CNBD1: variants seen among roughly 807,000 people sequenced by gnomAD.
CNBD1 encodes cyclic nucleotide-binding domain-containing protein 1.
In CNBD1, 71 loss-of-function variants were observed where a neutral mutation model predicts 54.4. That is an observed-to-expected ratio of 1.30 (90% CI 1.08 to 1.59). The LOEUF (loss-of-function observed/expected upper bound fraction) is 1.59. CNBD1 is among the 40% of genes most tolerant of loss of function. The pLI, the probability that CNBD1 is intolerant of heterozygous loss-of-function variation, is 0.00. For missense variants in CNBD1, 659 were observed against 518.0 expected (o/e 1.27, Z -2.64); for synonymous variants, 182 against 170.7 (o/e 1.07, Z -0.51).
intron 10 of CNBD1, among the ~76,000 whole-genome samples, chr8:87,371,710 C>T (rs570263199): frequency 0.015 from 2,238 of 151,926 alleles, 56 homozygotes; most frequent in African/African-American, 0.048. Flanking sequence ...TGTAATCCAG[C>T]GTATAAACAG....
At chr8:87,385,142 A>G (rs906895260), downstream of CNBD1, among the ~76,000 whole-genome samples, 7 of 152,134 alleles carry the variant, frequency 4.6e-5, no homozygotes, top group African/African-American at 1.7e-4. Context: ...ATGGGGGTGG[A>G]GCCAAGATGC....
rs1340489632 is a variant in CNBD1, at chr8:87,326,229, C to G, written c.1043-25456C>G. ...TAACCCGACCTTTCTCTCTGGCTGC[C>G]CTTAACATTTTTTCCTTCATTTCAA... On this transcript the variant is annotated intron_variant, in intron 8 of 10. Coordinates refer to ENST00000518476, the MANE Select transcript of CNBD1 (RefSeq NM_173538.3). Among the ~76,000 whole-genome samples the G allele has an allele frequency of 1.7e-4, 21 of 122,696 alleles. 3 individuals carry two copies. Among genetic ancestry groups the G allele is most frequent in the South Asian group, 7.3e-4 (3 of 4,104 alleles). 80.5% of individuals were successfully genotyped at this position (122,696 alleles called of 152,430 possible).
Position 87,352,112 on chromosome 8 carries a change from C to T in CNBD1, c.1152+318C>T, listed in dbSNP as rs762972863. Reference sequence around the variant, plus strand: ...AACATACCAGATTGGCTAAGATGCACTTAATCATTTGACCTAATTCCACTC... The same window carrying T: ...AACATACCAGATTGGCTAAGATGCATTTAATCATTTGACCTAATTCCACTC... On this transcript the variant is annotated intron_variant, in intron 9 of 10. Coordinates refer to ENST00000518476, the MANE Select transcript of CNBD1 (RefSeq NM_173538.3). Among the ~76,000 whole-genome samples the T allele has an allele frequency of 4.7e-4, 72 of 152,124 alleles. 1 individual carries two copies. Among genetic ancestry groups the T allele is most frequent in the Non-Finnish European group, 1.3e-4 (9 of 68,020 alleles).
chr8:86,961,986 T>G (rs76436705), intron 4 of CNBD1, among the ~76,000 whole-genome samples: 17,621 of 152,178 alleles, frequency 0.12, 1,216 homozygotes, highest in African/African-American at 0.19. Context: ...AAGAACCAGG[T>G]CTAGGAAAAC....
chr8:87,306,877 C>G (rs572565548), intron 8 of CNBD1, among the ~76,000 whole-genome samples: 1 of 151,918 alleles, frequency 6.6e-6, no homozygotes, highest in Non-Finnish European at 1.5e-5. Flanking sequence ...AATCATATAA[C>G]CAAATACCAC....
chr8:87,166,639 A>G lies in CNBD1; in HGVS notation c.432-39354A>G, dbSNP rs149773883. Among the ~76,000 whole-genome samples the G allele has an allele frequency of 8.5e-3, 1,288 of 151,930 alleles. 21 individuals carry two copies. Among genetic ancestry groups the G allele is most frequent in the African/African-American group, 0.026 (1,086 of 41,476 alleles). ...CTTCTCACAGTTCTCTGGCTCTTTC[A>G]CTTTCTTGTCAGTTCCTCTTTGTTC... On this transcript the variant is annotated intron_variant, in intron 4 of 10. Transcript: ENST00000518476. This position sits in a 1 kb window ranked among gnomAD's most constrained non-coding sequence, Gnocchi z 4.3.
intron 6 of CNBD1, among the ~76,000 whole-genome samples, chr8:87,275,727 A>G (rs1808465401): frequency 1.3e-5 from 2 of 151,736 alleles, no homozygotes; most frequent in Non-Finnish European, 2.9e-5. Flanking sequence ...GGCCAGGGCA[A>G]TTAGGCAGGA....
intron 8 of CNBD1, among the ~76,000 whole-genome samples, chr8:87,330,230 TC>T (rs368493153): frequency 3.5e-5 from 4 of 115,244 alleles, no homozygotes; most frequent in Non-Finnish European, 5.4e-5. Flanking sequence ...GTTCCTTCTC[TC>T]TTTTTTTTTT....
chr8:87,418,470 A>G (rs1807872466), intron 2 of CNBD1, among the ~76,000 whole-genome samples: 1 of 151,984 alleles, frequency 6.6e-6, no homozygotes, highest in East Asian at 1.9e-4. Context: ...CCAGGATATA[A>G]CACTTAAAGC....
intron 2 of CNBD1, among the ~76,000 whole-genome samples, chr8:87,415,534 C>A (rs1170112571): frequency 6.6e-6 from 1 of 151,998 alleles, no homozygotes; most frequent in Non-Finnish European, 1.5e-5. Context: ...CATGACACTA[C>A]AGTATTGTTT....
chr8:87,169,838 G>A (rs962651533), intron 4 of CNBD1, among the ~76,000 whole-genome samples: 19 of 152,040 alleles, frequency 1.2e-4, no homozygotes, highest in Non-Finnish European at 2.4e-4. Flanking sequence ...ATCAGGTAAT[G>A]TGATTCTTCC....
intron 4 of CNBD1, among the ~76,000 whole-genome samples, chr8:87,155,529 A>G (rs1389291733): frequency 2.0e-5 from 3 of 152,234 alleles, no homozygotes; most frequent in Non-Finnish European, 2.9e-5. Context: ...AGGAGGTTGA[A>G]TGAACAGAAT....
rs187835688 is a variant in CNBD1, at chr8:87,341,867, C to T, written c.1043-9818C>T. Reference sequence around the variant, plus strand: ...GTGTTTCTGCTCTTTATAAATTACCCAGTCTTAGATATTCTATTATAGCAG... The same window carrying T: ...GTGTTTCTGCTCTTTATAAATTACCTAGTCTTAGATATTCTATTATAGCAG... On this transcript the variant is annotated intron_variant, in intron 8 of 10. Coordinates refer to ENST00000518476, the MANE Select transcript of CNBD1 (RefSeq NM_173538.3). Among the ~76,000 whole-genome samples, 16 of 152,278 alleles carry T rather than the reference C, an allele frequency of 1.1e-4. No individual in the cohort carries two copies. The East Asian group carries it at 2.9e-3, about 28-fold the overall frequency.
At chr8:87,408,827 A>G (rs1010114615) in intron 2 of CNBD1, among the ~76,000 whole-genome samples, 1 of 152,010 alleles carries the variant, frequency 6.6e-6, no homozygotes, top group Non-Finnish European at 1.5e-5. Context: ...TGATGTTACT[A>G]TTGTAATTGT....
At chr8:87,418,774 G>A (rs1391334636) in intron 2 of CNBD1, among the ~76,000 whole-genome samples, 4 of 151,752 alleles carry the variant, frequency 2.6e-5, no homozygotes, top group Non-Finnish European at 5.9e-5. Flanking sequence ...ACATCCAATA[G>A]GATATCAAAA....
Position 87,286,582 on chromosome 8 carries a change from G to GT in CNBD1, c.954dup (p.Met319TyrfsTer6). The stretch of plus-strand genomic sequence containing the variant: ...AATATGCAAAAGTTGAAATTAATCC[G>GT]TATGTGTCCTTATTATGAGGAATGG... On this transcript the variant is annotated frameshift_variant, in exon 8 of 11. Coordinates refer to ENST00000518476, the MANE Select transcript of CNBD1 (RefSeq NM_173538.3). LOFTEE classifies it high-confidence loss of function. 1 of 1,471,076 alleles carries GT rather than the reference G, an allele frequency of 6.8e-7. No homozygotes were observed. Among genetic ancestry groups the GT allele is most frequent in the Non-Finnish European group, 9.3e-7 (1 of 1,071,520 alleles). The allele number at this position is 1,471,076 out of a possible 1,614,324, so 91.1% of individuals were successfully genotyped here. A position where few individuals can be genotyped will look rare whatever the true frequency, so the allele number is the denominator to read the frequency against.
intron 4 of CNBD1, among the ~76,000 whole-genome samples, chr8:87,036,594 TAAAAAAAA>T (rs58299323): frequency 1.5e-5 from 1 of 64,744 alleles, no homozygotes; most frequent in Admixed American, 2.4e-4. Context: ...ACTGCATCTC[TAAAAAAAA>T]AAAAAAAAAA....
At chr8:87,267,719 A>G (rs569559822) in intron 6 of CNBD1, among the ~76,000 whole-genome samples, 2 of 152,322 alleles carry the variant, frequency 1.3e-5, no homozygotes, top group South Asian at 2.1e-4. Flanking sequence ...ACATGGTTGC[A>G]TATGCTACCT....
At chr8:87,168,048 G>T (rs1243939469) in intron 4 of CNBD1, among the ~76,000 whole-genome samples, 1 of 151,964 alleles carries the variant, frequency 6.6e-6, no homozygotes, top group Non-Finnish European at 1.5e-5. Flanking sequence ...GTAAAATATG[G>T]TATTATAAAC....
Sources: gnomAD v4.1 joint callset for allele counts (sites outside exome capture counted in the v4.1 genomes callset) on GRCh38, gnomAD v4.1.1 for gene constraint, Gnocchi (gnomAD v3.1) non-coding constraint, MANE v1.5 for transcripts, NCBI Gene and HGNC (gene_info 2026-07-23, HGNC 2026-07-21) for gene names.